The following GRHL3 variants were observed in gnomAD, a reference collection of about 807,000 sequenced individuals.
GRHL3 encodes grainyhead-like protein 3 homolog.
A neutral mutation model predicts 70.3 loss-of-function variants in GRHL3; 20 were observed. The observed-to-expected ratio is 0.28, with a 90% CI of 0.20 to 0.41. The LOEUF (loss-of-function observed/expected upper bound fraction) is 0.41. Ranked by LOEUF, GRHL3 falls within the 10% of genes least tolerant of loss-of-function variation. The pLI, the probability that GRHL3 is intolerant of heterozygous loss-of-function variation, is 1.00. For synonymous variants in GRHL3, 299 were observed against 299.9 expected (o/e 1.00, Z 0.03); for missense variants, 637 against 762.3 (o/e 0.84, Z 1.94).
chr1:24,338,738 T>G (rs572295166), intron 7 of GRHL3, among the ~76,000 whole-genome samples: 1 of 152,348 alleles, frequency 6.6e-6, no homozygotes, highest in Admixed American at 6.5e-5. Flanking sequence ...GTTTAATGAC[T>G]TGTCCGAGAG....
intron 15 of GRHL3, chr1:24,364,179 T>C (rs1050156757): frequency 1.3e-6 from 2 of 1,491,414 alleles, no homozygotes; most frequent in South Asian, 2.7e-5. Context: ...TCTCACTTTC[T>C]TCCAGGGAAA....
In GRHL3 at chr1:24,339,281, C is replaced by CT. The variant is rs59192456; in HGVS notation, c.953-375dup. On this transcript the variant is annotated intron_variant, in intron 7 of 15. Transcript: ENST00000361548. ...TGCCAAGAGTGAGGCCCAGTTTTGT[C>CT]TTTTTTTTTTTTGAGACAGAGTCTC... is the stretch of plus-strand genomic sequence containing the variant. Among the ~76,000 whole-genome samples, 886 of 148,178 alleles carry CT rather than the reference C, an allele frequency of 6.0e-3. 5 individuals are homozygous for CT. The highest frequency in any genetic ancestry group is 9.6e-3 in the Non-Finnish European group (640 of 66,976).
At chr1:24,341,318 G>A (rs1640028647) in intron 8 of GRHL3, among the ~76,000 whole-genome samples, 2 of 152,166 alleles carry the variant, frequency 1.3e-5, no homozygotes, top group African/African-American at 4.8e-5. Context: ...CACAAGATAG[G>A]TTTCATTATC....
At position 24,336,852 on chromosome 1, in the gene GRHL3, A is replaced by G. The variant is rs147556033; in HGVS notation, c.612+25A>G. Reference sequence around the variant, plus strand: ...GGTGAGGGCGCATCCCCGCTCCCCTATAGCATAGATATGTGTGTGCATATA... The same window carrying G: ...GGTGAGGGCGCATCCCCGCTCCCCTGTAGCATAGATATGTGTGTGCATATA... On this transcript the variant is annotated intron_variant, in intron 4 of 15. Transcript: ENST00000361548. 1,274 of 1,509,190 alleles carry G rather than the reference A, an allele frequency of 8.4e-4. 9 individuals are homozygous for G. The African/African-American group carries it at 0.015, about 18-fold the overall frequency. 93.5% of individuals were successfully genotyped at this position (1,509,190 alleles called of 1,614,324 possible). A position where few individuals can be genotyped will look rare whatever the true frequency, so the allele number is the denominator to read the frequency against.
At position 24,347,661 on chromosome 1, in the gene GRHL3, C is replaced by T. The variant is rs150258513; in HGVS notation, c.1629+108C>T. ...CCCACAGGAGGGAACCTTGGCATGCCGGTGGCCTACCCGTCCCACCCTGTC... is the reference window on the plus strand; with the variant it reads ...CCCACAGGAGGGAACCTTGGCATGCTGGTGGCCTACCCGTCCCACCCTGTC... On this transcript the variant is annotated intron_variant, in intron 14 of 15. Coordinates refer to ENST00000361548, the MANE Select transcript of GRHL3 (RefSeq NM_198173.3). 2,368 of 906,600 alleles carry T rather than the reference C, an allele frequency of 2.6e-3. 26 individuals carry two copies. The highest frequency in any genetic ancestry group is 0.019 in the South Asian group (1,350 of 69,910). 56.2% of individuals were successfully genotyped at this position (906,600 alleles called of 1,614,324 possible). A position where few individuals can be genotyped will look rare whatever the true frequency, so the allele number is the denominator to read the frequency against.
At chr1:24,339,089 C>A (rs955556113) in intron 7 of GRHL3, among the ~76,000 whole-genome samples, 1 of 152,190 alleles carries the variant, frequency 6.6e-6, no homozygotes, top group Non-Finnish European at 1.5e-5. Flanking sequence ...ATAACCTCTA[C>A]CCCCAACATG....
chr1:24,359,708 G>A (rs1163714961), downstream of GRHL3, among the ~76,000 whole-genome samples: 3 of 152,194 alleles, frequency 2.0e-5, no homozygotes, highest in East Asian at 5.8e-4. The surrounding 1 kb of genome is among the most constrained non-coding windows in gnomAD (Gnocchi z 5.3). Flanking sequence ...AACCAAGCTG[G>A]CAGTCATCAC....
chr1:24,354,914 A>G lies in GRHL3; in HGVS notation c.*426A>G, dbSNP rs1018970743. On this transcript the variant is annotated 3_prime_UTR_variant, in exon 16 of 16. Transcript: ENST00000361548. ...TCTCTGTCTTCCTTCAACTTCAGAC[A>G]AAGGATTTCTCAACCTTTGGTCAGT... The G allele has an allele frequency of 1.3e-5, 2 of 157,306 alleles. No individual in the cohort carries two copies. Among genetic ancestry groups the G allele is most frequent in the African/African-American group, 4.8e-5 (2 of 41,622 alleles). 9.7% of individuals were successfully genotyped at this position (157,306 alleles called of 1,614,324 possible).
At chr1:24,344,713 C>T (rs1216458404) in intron 11 of GRHL3, among the ~76,000 whole-genome samples, 184 bp from the exon 12 acceptor site, 1 of 151,910 alleles carries the variant, frequency 6.6e-6, no homozygotes, top group African/African-American at 2.4e-5. Context: ...TGGGTGATTC[C>T]TTTCCACTCA....
chr1:24,340,738 A>T (rs1193076981), intron 8 of GRHL3, among the ~76,000 whole-genome samples: 2 of 152,148 alleles, frequency 1.3e-5, no homozygotes, highest in Non-Finnish European at 2.9e-5. Flanking sequence ...CCTGGAGAAG[A>T]TGGAGGTGCA....
intron 1 of GRHL3, among the ~76,000 whole-genome samples, chr1:24,320,107 A>T (rs765811900): frequency 3.9e-5 from 6 of 152,200 alleles, no homozygotes; most frequent in Non-Finnish European, 7.3e-5. Context: ...TCCCTGGGTG[A>T]TCTCAGACAA....
intron 1 of GRHL3, among the ~76,000 whole-genome samples, chr1:24,326,956 T>G (rs1463465658): frequency 2.0e-5 from 3 of 152,362 alleles, no homozygotes; most frequent in Non-Finnish European, 4.4e-5. Flanking sequence ...GTTATTACAC[T>G]ATCTCTTTTG....
chr1:24,323,302 C>G (rs995494041), intron 1 of GRHL3, among the ~76,000 whole-genome samples: 5 of 152,170 alleles, frequency 3.3e-5, no homozygotes, highest in African/African-American at 1.2e-4. Flanking sequence ...TGCAAATTCT[C>G]AGCCCCACCC....
chr1:24,326,935 T>C (rs1639421644), intron 1 of GRHL3, among the ~76,000 whole-genome samples: 1 of 152,176 alleles, frequency 6.6e-6, no homozygotes, highest in African/African-American at 2.4e-5. Flanking sequence ...ATAATGGAAG[T>C]TGGGCAAGGT....
At chr1:24,338,208 CCT>C (rs1639902266) in intron 7 of GRHL3, 105 bp downstream of exon 7, 1 of 709,114 alleles carries the variant, frequency 1.4e-6, no homozygotes, top group Non-Finnish European at 2.3e-6. Flanking sequence ...CTGGCTCTGA[CCT>C]CTGTCTCCAG....
chr1:24,326,929 T>G (rs1472685532), intron 1 of GRHL3, among the ~76,000 whole-genome samples: 2 of 152,214 alleles, frequency 1.3e-5, no homozygotes, highest in African/African-American at 4.8e-5. Flanking sequence ...TATGAGATAA[T>G]GGAAGTTGGG....
At position 24,346,565 on chromosome 1, in the gene GRHL3, G is replaced by A; in HGVS notation, c.1467G>A (p.Lys489=). ...GPSSSNRLPL[K]RTCSPFTEEF... ...GCCATCCCCACAGGCTGCCTCTGAA[G>A]CGTACCTGCTCGCCCTTCACTGAGG... Residue 489 remains lysine (K), a synonymous_variant, in exon 13 of 16, where the codon AAG becomes AAA. Transcript: ENST00000361548. 7 of 1,612,736 alleles carry A rather than the reference G, an allele frequency of 4.3e-6. No homozygotes were observed. The highest frequency in any genetic ancestry group is 5.9e-6 in the Non-Finnish European group (7 of 1,179,198).
At chr1:24,330,308 G>A (rs1639553422) in intron 1 of GRHL3, among the ~76,000 whole-genome samples, 1 of 152,174 alleles carries the variant, frequency 6.6e-6, no homozygotes, top group African/African-American at 2.4e-5. Context: ...AGCGATCTAT[G>A]TTTTAACAAG....
In GRHL3 at chr1:24,335,255, A is replaced by C. The variant is rs533326181; in HGVS notation, c.266+549A>C. On this transcript the variant is annotated intron_variant, in intron 3 of 15. Transcript: ENST00000361548. ...GAGGGAGACCTGTGTTGGGGGAGGG[A>C]CATCTGGGTTCCCATACTTCTTCCC... 2.0e-5 allele frequency among the ~76,000 whole-genome samples: 3 copies of C among 152,276 alleles called. No homozygotes were observed. The South Asian group carries it at 6.2e-4, about 32-fold the overall frequency.
Sources: allele counts gnomAD v4.1 joint callset (sites outside exome capture counted in the v4.1 genomes callset), GRCh38; gene constraint gnomAD v4.1.1; non-coding constraint Gnocchi (gnomAD v3.1); transcripts MANE v1.5; gene names NCBI Gene and HGNC (gene_info 2026-07-23, HGNC 2026-07-21).